Variants in DPP10 observed in about 807,000 individuals in gnomAD.
The protein encoded by DPP10 is inactive dipeptidyl peptidase 10.
Under a neutral mutation model 120.9 loss-of-function variants are expected in DPP10, and 33 were observed. That is an observed-to-expected ratio of 0.27 (90% CI 0.21 to 0.37). The LOEUF (loss-of-function observed/expected upper bound fraction) is 0.37. Ranked by LOEUF, DPP10 falls within the 10% of genes least tolerant of loss-of-function variation. The pLI is 1.00. For synonymous variants in DPP10, 337 were observed against 326.1 expected, an observed-to-expected ratio of 1.03 and a Z score of -0.36; for missense variants, 816 against 942.8, an observed-to-expected ratio of 0.87 and a Z score of 1.76.
chr2:115,827,202 G>T (rs1688401602), intron 21 of DPP10, among the ~76,000 whole-genome samples: 1 of 151,098 alleles, frequency 6.6e-6, no homozygotes, highest in Admixed American at 6.6e-5. Flanking sequence ...ACTAATTAAA[G>T]TTGTCCTCCT....
At chr2:114,921,786 G>T (rs1293220532) in intron 1 of DPP10, among the ~76,000 whole-genome samples, 4 of 152,182 alleles carry the variant, frequency 2.6e-5, no homozygotes, top group South Asian at 2.1e-4. Flanking sequence ...CTGTATCCAA[G>T]ATACCTACCA....
At chr2:114,834,011 G>A (rs1687378854) in intron 1 of DPP10, 1 of 151,680 alleles carries the variant, frequency 6.6e-6, no homozygotes, top group South Asian at 2.1e-4. Context: ...ATATGTACAT[G>A]TATACGTATA....
intron 1 of DPP10, among the ~76,000 whole-genome samples, chr2:114,532,296 TACAC>T (rs56653562): frequency 1.2e-4 from 9 of 74,758 alleles, no homozygotes; most frequent in African/African-American, 5.9e-4. Flanking sequence ...TATATATATA[TACAC>T]ACACACACAC....
chr2:114,974,114 A>T (rs551234557), intron 1 of DPP10, among the ~76,000 whole-genome samples: 1 of 152,324 alleles, frequency 6.6e-6, no homozygotes, highest in Admixed American at 6.5e-5. Context: ...AATGAATTTA[A>T]TAAAGCCTAG....
chr2:115,839,207 C>A (rs1189680159), intron 24 of DPP10, among the ~76,000 whole-genome samples: 2 of 152,138 alleles, frequency 1.3e-5, no homozygotes, highest in East Asian at 3.9e-4. Flanking sequence ...CATTAAGTGC[C>A]ATAGGAAGAT....
chr2:115,545,181 T>C (rs576405175), intron 5 of DPP10, among the ~76,000 whole-genome samples: 1 of 152,052 alleles, frequency 6.6e-6, no homozygotes, highest in Non-Finnish European at 1.5e-5. Flanking sequence ...AAAGGAAAAA[T>C]TTTATTCTCT....
In DPP10 at chr2:114,809,134, A is replaced by G. The variant is rs897150574; in HGVS notation, c.60+366296A>G. Among the ~76,000 whole-genome samples the G allele has an allele frequency of 4.6e-5, 7 of 152,278 alleles. No homozygotes were observed. In the East Asian group the frequency reaches 1.4e-3, roughly 29 times the overall value. ...TATGTCAAGCACAGTGCTTGGGACT[A>G]GTGGATGTTCAGTAATATTAATAAT... On this transcript the variant is annotated intron_variant, in intron 1 of 25. Transcript: ENST00000410059.
chr2:115,789,511 A>T (rs760550567), intron 17 of DPP10, among the ~76,000 whole-genome samples: 4 of 152,224 alleles, frequency 2.6e-5, no homozygotes, highest in African/African-American at 4.8e-5. Context: ...ACTACAGCTG[A>T]CATCATGCTT....
At chr2:114,517,768 C>A (rs1022025549) in intron 1 of DPP10, among the ~76,000 whole-genome samples, 1 of 152,160 alleles carries the variant, frequency 6.6e-6, no homozygotes, top group Non-Finnish European at 1.5e-5. Flanking sequence ...TAAAGTTTAA[C>A]GGGAAAGCTG....
chr2:114,942,898 GTTTTTC>G (rs768893009), intron 1 of DPP10, among the ~76,000 whole-genome samples: 4 of 152,044 alleles, frequency 2.6e-5, no homozygotes, highest in Non-Finnish European at 2.9e-5. Context: ...AAAATGAACT[GTTTTTC>G]TTTTGTTTAT....
chr2:114,918,793 T>C (rs1484643386), intron 1 of DPP10, among the ~76,000 whole-genome samples: 1 of 152,042 alleles, frequency 6.6e-6, no homozygotes, highest in Admixed American at 6.5e-5. Context: ...GGGAATTACT[T>C]AAGGGTGCAG....
intron 3 of DPP10, among the ~76,000 whole-genome samples, chr2:115,367,212 T>G (rs965356262): frequency 6.6e-6 from 1 of 151,942 alleles, no homozygotes; most frequent in East Asian, 1.9e-4. Context: ...TACCATGGCA[T>G]AGAGTTTTTT....
intron 1 of DPP10, among the ~76,000 whole-genome samples, chr2:115,284,365 A>G (rs1169095405): frequency 1.3e-5 from 2 of 151,998 alleles, no homozygotes; most frequent in Non-Finnish European, 2.9e-5. Context: ...CCACTTATAA[A>G]TAATGCATTA....
At chr2:115,074,688 C>A (rs1001156056) in intron 1 of DPP10, among the ~76,000 whole-genome samples, 1 of 151,914 alleles carries the variant, frequency 6.6e-6, no homozygotes, top group Non-Finnish European at 1.5e-5. Context: ...GAGGGTTGTC[C>A]GGGGAAAGAG....
intron 1 of DPP10, among the ~76,000 whole-genome samples, chr2:114,449,486 T>A (rs1003488820): frequency 1.6e-4 from 24 of 149,878 alleles, no homozygotes; most frequent in Admixed American, 5.3e-4. Flanking sequence ...TTTTTTTTTA[T>A]AGTTACCACT....
chr2:114,960,103 T>C (rs555059315), intron 1 of DPP10, among the ~76,000 whole-genome samples: 12 of 152,282 alleles, frequency 7.9e-5, no homozygotes, highest in African/African-American at 2.6e-4. Flanking sequence ...TCAGATAATA[T>C]AACTTACTGA....
chr2:114,842,637 T>G (rs1483634135), intron 1 of DPP10, among the ~76,000 whole-genome samples: 1 of 152,102 alleles, frequency 6.6e-6, no homozygotes, highest in Non-Finnish European at 1.5e-5. Flanking sequence ...AAATGACATT[T>G]GTAGATTTTC....
chr2:115,059,989 T>G (rs1573465004), intron 1 of DPP10, among the ~76,000 whole-genome samples: 3 of 152,104 alleles, frequency 2.0e-5, no homozygotes, highest in Non-Finnish European at 4.4e-5. Flanking sequence ...CGTGCACATC[T>G]TTAGTACTCT....
chr2:115,766,310 G>GTGTATATATA (rs1371625141), intron 12 of DPP10, among the ~76,000 whole-genome samples: 1 of 81,738 alleles, frequency 1.2e-5, no homozygotes, highest in African/African-American at 4.3e-5. Context: ...GTGTGTGTGT[G>GTGTATATATA]TATATATATA....
Sources: allele counts gnomAD v4.1 joint callset (sites outside exome capture counted in the v4.1 genomes callset), GRCh38; gene constraint gnomAD v4.1.1; transcripts MANE v1.5; gene names NCBI Gene and HGNC (gene_info 2026-07-23, HGNC 2026-07-21).